Variants in ARHGEF7 observed in about 807,000 individuals in gnomAD.
ARHGEF7 encodes the protein Rho guanine nucleotide exchange factor 7, also known as PAK-interacting exchange factor beta.
A neutral mutation model predicts 109.8 loss-of-function variants in ARHGEF7; 33 were observed. The ratio of observed to expected loss-of-function variants is 0.30; its 90% CI spans 0.23 to 0.40. The LOEUF is 0.40. Ranked by LOEUF, ARHGEF7 falls within the 10% of genes least tolerant of loss-of-function variation. ARHGEF7 has a pLI of 1.00. For synonymous variants in ARHGEF7, 458 were observed against 424.6 expected (o/e 1.08, Z -0.97); for missense variants, 938 against 1,098.5 (o/e 0.85, Z 2.07).
At chr13:111,291,470 AG>A (rs1009520537) in intron 18 of ARHGEF7, among the ~76,000 whole-genome samples, 9 of 152,360 alleles carry the variant, frequency 5.9e-5, no homozygotes, top group Admixed American at 1.3e-4. Flanking sequence ...CCCTGGGAGC[AG>A]GGGGTGGGTT....
intron 15 of ARHGEF7, among the ~76,000 whole-genome samples, chr13:111,281,727 C>G (rs2092788378): frequency 6.6e-6 from 1 of 152,206 alleles, no homozygotes; most frequent in Non-Finnish European, 1.5e-5. Flanking sequence ...GCCTGAAACT[C>G]TACTTCATAC....
At chr13:111,166,996 G>A (rs9522146) in intron 2 of ARHGEF7, among the ~76,000 whole-genome samples, 24,110 of 152,126 alleles carry the variant, frequency 0.16, 2,233 homozygotes, top group South Asian at 0.21. Context: ...GAGGAAGTGA[G>A]GAGATGTTAG....
intron 4 of ARHGEF7, among the ~76,000 whole-genome samples, chr13:111,210,500 G>A (rs989302241): frequency 6.6e-6 from 1 of 152,216 alleles, no homozygotes; most frequent in African/African-American, 2.4e-5. Flanking sequence ...GACTGATTGG[G>A]ACGCAGAGAA....
In ARHGEF7 at chr13:111,303,438, A is replaced by G. The variant is rs1340574235; in HGVS notation, c.*325A>G. 1 of 169,852 alleles carries G rather than the reference A, an allele frequency of 5.9e-6. No homozygotes were observed. Among genetic ancestry groups the G allele is most frequent in the Non-Finnish European group, 1.3e-5 (1 of 79,226 alleles). 10.5% of individuals were successfully genotyped at this position (169,852 alleles called of 1,614,324 possible). On this transcript the variant is annotated 3_prime_UTR_variant, in exon 22 of 22. Coordinates refer to ENST00000646102, the MANE Select transcript of ARHGEF7 (RefSeq NM_001354046.2). ...ACTTTGAATTGAATATATAAATATT[A>G]TATATACATGTTTCTTGTAAATATC...
At chr13:111,215,171 A>T (rs2082966174) in intron 4 of ARHGEF7, among the ~76,000 whole-genome samples, 1 of 152,068 alleles carries the variant, frequency 6.6e-6, no homozygotes, top group Admixed American at 6.6e-5. Flanking sequence ...ATATCAGAGT[A>T]ACTGGGGGCA....
intron 1 of ARHGEF7, among the ~76,000 whole-genome samples, chr13:111,147,251 T>C (rs1383473599): frequency 6.6e-6 from 1 of 152,206 alleles, no homozygotes; most frequent in Non-Finnish European, 1.5e-5. Flanking sequence ...TAGATGTATA[T>C]TTAACTTTGC....
At chr13:111,226,900 G>A (rs1024254031) in intron 5 of ARHGEF7, among the ~76,000 whole-genome samples, 1 of 152,202 alleles carries the variant, frequency 6.6e-6, no homozygotes, top group African/African-American at 2.4e-5. Flanking sequence ...ATGGGAGGAG[G>A]TTAAAATATC....
chr13:111,274,674 C>A, intron 10 of ARHGEF7, 57 bp from the exon 11 acceptor site: 2 of 1,129,412 alleles, frequency 1.8e-6, no homozygotes, highest in Non-Finnish European at 2.5e-6. Flanking sequence ...TAGAAAGTAC[C>A]TTTTTAAGAA....
chr13:111,224,327 A>G (rs2084898260), intron 5 of ARHGEF7, among the ~76,000 whole-genome samples: 1 of 152,086 alleles, frequency 6.6e-6, no homozygotes, highest in Admixed American at 6.5e-5. Flanking sequence ...GATTGGATAG[A>G]AGTGGAGGCA....
chr13:111,192,074 T>G (rs2079955668), intron 2 of ARHGEF7, among the ~76,000 whole-genome samples: 1 of 152,200 alleles, frequency 6.6e-6, no homozygotes, highest in South Asian at 2.1e-4. Context: ...TAGGAGCCTT[T>G]TTAGTCTGGG....
At chr13:111,212,529 C>T (rs954342135) in intron 4 of ARHGEF7, among the ~76,000 whole-genome samples, 2 of 152,128 alleles carry the variant, frequency 1.3e-5, no homozygotes, top group Non-Finnish European at 2.9e-5. Context: ...ATGCTGTTCT[C>T]AGAGTTTGGG....
chr13:111,262,402 GTGTGTGTGTGCA>G (rs1198936008), intron 8 of ARHGEF7, among the ~76,000 whole-genome samples: 1 of 151,974 alleles, frequency 6.6e-6, no homozygotes, highest in Non-Finnish European at 1.5e-5. Flanking sequence ...GTGTCCCTGT[GTGTGTGTGTGCA>G]TGTGTGTGTG....
chr13:111,267,155 A>G (rs533558943), intron 8 of ARHGEF7, among the ~76,000 whole-genome samples: 12 of 152,240 alleles, frequency 7.9e-5, no homozygotes, highest in African/African-American at 2.9e-4. Context: ...CGGTTTTTGT[A>G]TTTTTTGTTA....
At position 111,273,164 on chromosome 13, in the gene ARHGEF7, G is replaced by A. The variant is rs970529764; in HGVS notation, c.1074-650G>A. Among the ~76,000 whole-genome samples the A allele has an allele frequency of 2.0e-5, 3 of 152,178 alleles. No individual in the cohort carries two copies. The highest frequency in any genetic ancestry group is 4.4e-5 in the Non-Finnish European group (3 of 68,036). ...AACAATGCTTTTGAAGTTCTAAAGC[G>A]TAAATCAACATTCGCTGTCTGCACA... is the stretch of plus-strand genomic sequence containing the variant. On this transcript the variant is annotated intron_variant, in intron 9 of 21. Coordinates refer to ENST00000646102, the MANE Select transcript of ARHGEF7 (RefSeq NM_001354046.2). The surrounding 1 kb of genome is among the most constrained non-coding windows in gnomAD (Gnocchi z 4.5).
chr13:111,196,565 T>C (rs765928961), intron 2 of ARHGEF7, among the ~76,000 whole-genome samples: 33 of 152,208 alleles, frequency 2.2e-4, no homozygotes, highest in Non-Finnish European at 3.4e-4. Context: ...AGGGGACATG[T>C]ACCCAGCTTG....
chr13:111,265,015 T>G (rs905649860), intron 8 of ARHGEF7, among the ~76,000 whole-genome samples: 3 of 150,532 alleles, frequency 2.0e-5, no homozygotes, highest in Non-Finnish European at 2.9e-5. Flanking sequence ...TCCCAGCTAC[T>G]CGGGAGGCTG....
intron 6 of ARHGEF7, chr13:111,241,334 G>A: frequency 2.0e-6 from 3 of 1,536,172 alleles, no homozygotes; most frequent in South Asian, 2.4e-5. Flanking sequence ...GGGAAGAAAG[G>A]TGGTAAGTGG....
chr13:111,269,850 G>T (rs1035829995), intron 9 of ARHGEF7, among the ~76,000 whole-genome samples: 3 of 152,184 alleles, frequency 2.0e-5, no homozygotes, highest in African/African-American at 7.2e-5. Context: ...CTGTGCCAAG[G>T]CTCCTTCCTA....
intron 2 of ARHGEF7, among the ~76,000 whole-genome samples, chr13:111,168,844 G>A (rs1018699373): frequency 6.6e-5 from 10 of 152,320 alleles, no homozygotes; most frequent in Non-Finnish European, 7.4e-5. Context: ...ATGACTGATC[G>A]CCAGTGAAGT....
Sources: gnomAD v4.1 joint callset for allele counts (sites outside exome capture counted in the v4.1 genomes callset) on GRCh38, gnomAD v4.1.1 for gene constraint, Gnocchi (gnomAD v3.1) non-coding constraint, MANE v1.5 for transcripts, NCBI Gene and HGNC (gene_info 2026-07-23, HGNC 2026-07-21) for gene names.